MYH10: variants seen among roughly 807,000 people sequenced by gnomAD.
The protein encoded by MYH10 is myosin-10.
A neutral mutation model predicts 257.8 loss-of-function variants in MYH10; 55 were observed. The observed-to-expected ratio is 0.21, with a 90% confidence interval of 0.17 to 0.27. MYH10 has a LOEUF of 0.27. MYH10 is among the 10% of genes least tolerant of loss of function. The probability of loss-of-function intolerance (pLI) is 1.00; values close to 1 mark genes in which losing one functional copy is unlikely to be tolerated. For synonymous variants in MYH10, 854 were observed against 921.7 expected (o/e 0.93, Z 1.33); for missense variants, 1,631 against 2,500.6 (o/e 0.65, Z 7.42).
intron 16 of MYH10, among the ~76,000 whole-genome samples, chr17:8,532,124 C>G (rs1387582182): frequency 6.6e-6 from 1 of 152,230 alleles, no homozygotes; most frequent in Non-Finnish European, 1.5e-5. Flanking sequence ...AGCTGAAGAG[C>G]GACAGCACCT....
chr17:8,478,308 C>T (rs777393616), intron 41 of MYH10, 30 bp downstream of exon 41: 28 of 1,583,242 alleles, frequency 1.8e-5, no homozygotes, highest in Admixed American at 1.2e-4. Flanking sequence ...TTTGCTCACG[C>T]GCTTCCCAGG....
chr17:8,626,419 T>G (rs2085677196), intron 1 of MYH10, among the ~76,000 whole-genome samples: 1 of 151,510 alleles, frequency 6.6e-6, no homozygotes, highest in African/African-American at 2.4e-5. Flanking sequence ...TACAAAAAAT[T>G]AGCTGGGCTT....
intron 30 of MYH10, among the ~76,000 whole-genome samples, chr17:8,496,236 G>A (rs1365084211): frequency 1.3e-5 from 2 of 152,236 alleles, no homozygotes; most frequent in African/African-American, 4.8e-5. Context: ...GGCGCCGTGC[G>A]TTCTCGCTAG....
intron 3 of MYH10, among the ~76,000 whole-genome samples, chr17:8,595,173 A>G (rs1214868146): frequency 6.6e-6 from 1 of 152,218 alleles, no homozygotes; most frequent in African/African-American, 2.4e-5. Context: ...GTGGATGACT[A>G]TAGGACATTC....
chr17:8,509,889 C>T lies in MYH10; in HGVS notation c.3013G>A (p.Val1005Met). 6.2e-7 allele frequency: 1 copy of T among 1,613,372 alleles called. No individual in the cohort carries two copies. The highest frequency in any genetic ancestry group is 8.5e-7 in the Non-Finnish European group (1 of 1,179,644). ...GARQKLQLEKVTAEAKIKKME... is the reference protein window; with the variant it reads ...GARQKLQLEKMTAEAKIKKME... ...TTCTTGATCTTGGCCTCTGCTGTCA[C>T]CTTTTCCAGCTGCAGCTTTTGCCGA... The change falls in exon 25 of 43, where the codon GTG (valine) becomes ATG (methionine). Residue 1005 changes from valine (V) to methionine (M), a missense_variant. This residue lies in a region of MYH10 where 169 missense variants were observed against 249.8 expected (regional missense o/e 0.68). Coordinates refer to ENST00000360416, the MANE Select transcript of MYH10 (RefSeq NM_001256012.3).
intron 17 of MYH10, among the ~76,000 whole-genome samples, chr17:8,525,756 T>C (rs1461110201): frequency 2.0e-5 from 3 of 152,160 alleles, no homozygotes; most frequent in African/African-American, 7.2e-5. Context: ...AAGCTAAATA[T>C]TCAGATTAAA....
At chr17:8,521,525 C>A (rs768839279) in intron 17 of MYH10, 55 of 509,536 alleles carry the variant, frequency 1.1e-4, no homozygotes, top group Non-Finnish European at 1.8e-4. Context: ...CCAGCAGATG[C>A]CTTCCGCTGC....
chr17:8,492,817 C>T lies in MYH10; in HGVS notation c.4417G>A (p.Val1473Ile), dbSNP rs751712427. The change falls in exon 33 of 43, where the codon GTC (valine) becomes ATC (isoleucine). Residue 1473 changes from valine (V) to isoleucine (I), a missense_variant. Physicochemically the swap from Val to Ile is conservative, Grantham distance 29 (BLOSUM62 3). Coordinates refer to ENST00000360416, the MANE Select transcript of MYH10 (RefSeq NM_001256012.3). The stretch of plus-strand genomic sequence containing the variant: ...TGCTTCTTCTCCAAGTTGGAGGCGA[C>T]CTGGCGCTGGTGGTCCAGGTCCACC... ...LTVDLDHQRQ[V>I]ASNLEKKQKK... The T allele has an allele frequency of 1.9e-6, 3 of 1,614,040 alleles. No homozygotes were observed. Among genetic ancestry groups the T allele is most frequent in the Admixed American group, 1.7e-5 (1 of 60,018 alleles).
chr17:8,525,429 C>T (rs187420890), intron 17 of MYH10, among the ~76,000 whole-genome samples: 4 of 152,364 alleles, frequency 2.6e-5, no homozygotes, highest in East Asian at 3.9e-4. Context: ...CAACCATCAG[C>T]GGAGACAATC....
intron 7 of MYH10, among the ~76,000 whole-genome samples, chr17:8,559,298 T>G (rs2082908398): frequency 6.6e-6 from 1 of 152,172 alleles, no homozygotes; most frequent in African/African-American, 2.4e-5. Context: ...GACTAGAAAT[T>G]GAAAACTTCT....
chr17:8,577,455 A>G (rs2083539518), intron 4 of MYH10, 117 bp from the exon 5 acceptor site: 10 of 523,456 alleles, frequency 1.9e-5, no homozygotes, highest in Non-Finnish European at 2.7e-5. Flanking sequence ...TAAAAAGAAT[A>G]AATAGAAAAA....
At chr17:8,497,572 TA>T (rs932206183) in intron 30 of MYH10, among the ~76,000 whole-genome samples, 4 of 151,716 alleles carry the variant, frequency 2.6e-5, no homozygotes, top group Middle Eastern at 3.2e-3. Context: ...ACCCCATCTC[TA>T]CTAGAAATGC....
At chr17:8,479,472 T>G (rs1464648476) in intron 40 of MYH10, among the ~76,000 whole-genome samples, 1 of 152,222 alleles carries the variant, frequency 6.6e-6, no homozygotes, top group Non-Finnish European at 1.5e-5. Flanking sequence ...CTTAATTGTT[T>G]GCTTCAGCCC....
At chr17:8,502,942 C>T (rs2080947134) in intron 28 of MYH10, among the ~76,000 whole-genome samples, 1 of 152,202 alleles carries the variant, frequency 6.6e-6, no homozygotes, top group African/African-American at 2.4e-5. Context: ...GCAGATATGT[C>T]AAAGAGAAGC....
chr17:8,486,561 A>AGCATATGG, intron 36 of MYH10, among the ~76,000 whole-genome samples: 1 of 4,066 alleles, frequency 2.5e-4, no homozygotes. Flanking sequence ...AAAAAAAAAA[A>AGCATATGG]AAAAAAAAAA....
intron 33 of MYH10, 122 bp from the exon 34 acceptor site, chr17:8,492,631 C>CTTTTT (rs74648985): frequency 5.3e-6 from 5 of 949,818 alleles, no homozygotes; most frequent in African/African-American, 2.0e-5. Context: ...CTTGTATTTC[C>CTTTTT]TTTTTTTTTT....
intron 28 of MYH10, 119 bp from the exon 29 acceptor site, chr17:8,501,089 T>C: frequency 9.2e-7 from 1 of 1,084,396 alleles, no homozygotes; most frequent in Non-Finnish European, 1.3e-6. Flanking sequence ...TAATAAATAC[T>C]TGATGTGCTA....
chr17:8,526,552 T>C (rs1165390811), intron 17 of MYH10, among the ~76,000 whole-genome samples: 1 of 152,232 alleles, frequency 6.6e-6, no homozygotes, highest in African/African-American at 2.4e-5. Context: ...CCTAATTTAC[T>C]AATCTATAAC....
intron 4 of MYH10, among the ~76,000 whole-genome samples, chr17:8,584,957 C>T (rs778580964): frequency 3.3e-5 from 5 of 152,082 alleles, no homozygotes; most frequent in African/African-American, 4.8e-5. Context: ...AATTCTTCTG[C>T]TTCAGCCTCT....
Sources: allele counts gnomAD v4.1 joint callset (sites outside exome capture counted in the v4.1 genomes callset), GRCh38; gene constraint gnomAD v4.1.1; regional missense constraint gnomAD v4.1.1; transcripts MANE v1.5; gene names NCBI Gene and HGNC (gene_info 2026-07-23, HGNC 2026-07-21).